Variants in THSD4 observed in about 807,000 individuals in gnomAD.
THSD4 encodes thrombospondin type-1 domain-containing protein 4.
A neutral mutation model predicts 119.0 loss-of-function variants in THSD4; 69 were observed. The observed-to-expected ratio is 0.58, with a 90% CI of 0.48 to 0.71. THSD4 has a LOEUF of 0.71. Ranked by LOEUF, THSD4 falls within the 30% of genes least tolerant of loss-of-function variation. The pLI is 0.00. For synonymous variants in THSD4, 524 were observed against 540.4 expected (o/e 0.97, Z 0.42); for missense variants, 1,393 against 1,391.1 (o/e 1.00, Z -0.02).
intron 8 of THSD4, among the ~76,000 whole-genome samples, chr15:71,726,900 G>A (rs2052850940): frequency 6.6e-6 from 1 of 151,398 alleles, no homozygotes; most frequent in Admixed American, 6.6e-5. Context: ...TCGCACCATT[G>A]CACTCCGGCC....
At chr15:71,360,533 T>C (rs1007224698) in intron 6 of THSD4, among the ~76,000 whole-genome samples, 8 of 152,244 alleles carry the variant, frequency 5.3e-5, no homozygotes, top group Non-Finnish European at 1.0e-4. Flanking sequence ...TTAGCCATTC[T>C]AGTCTACTAC....
intron 7 of THSD4, among the ~76,000 whole-genome samples, chr15:71,626,394 C>T (rs1283230766): frequency 6.6e-6 from 1 of 152,048 alleles, no homozygotes; most frequent in Non-Finnish European, 1.5e-5. Flanking sequence ...TCTTCCAGAC[C>T]CTCAGTGGAA....
chr15:71,199,601 ATGGTGTGTG>A (rs1381834991), intron 3 of THSD4, among the ~76,000 whole-genome samples: 11 of 40,626 alleles, frequency 2.7e-4, no homozygotes, highest in Non-Finnish European at 5.1e-4. Flanking sequence ...TGTGTGATGT[ATGGTGTGTG>A]TGGTGTGTGG....
At chr15:71,642,770 A>G (rs1437916360) in intron 7 of THSD4, among the ~76,000 whole-genome samples, 2 of 151,652 alleles carry the variant, frequency 1.3e-5, no homozygotes, top group Admixed American at 6.6e-5. Flanking sequence ...TGGACACAGG[A>G]AGGGGAACAT....
intron 8 of THSD4, among the ~76,000 whole-genome samples, chr15:71,725,730 A>G (rs2088865): frequency 0.54 from 82,632 of 152,044 alleles, 26,706 homozygotes; most frequent in East Asian, 0.81. Context: ...GGAATGATGG[A>G]GGCAGAAGCC....
chr15:71,557,752 TA>T (rs997191117), intron 7 of THSD4, among the ~76,000 whole-genome samples: 15 of 152,210 alleles, frequency 9.9e-5, no homozygotes, highest in African/African-American at 3.6e-4. Flanking sequence ...TCCAGTTTAT[TA>T]ACATAAATGT....
At chr15:71,311,496 C>T (rs2045109925) in intron 6 of THSD4, among the ~76,000 whole-genome samples, 1 of 152,152 alleles carries the variant, frequency 6.6e-6, no homozygotes, top group African/African-American at 2.4e-5. Context: ...ATTTTTTGAA[C>T]TAATTAGAAG....
chr15:71,288,914 C>T (rs2044754334), intron 6 of THSD4, among the ~76,000 whole-genome samples: 1 of 152,166 alleles, frequency 6.6e-6, no homozygotes, highest in Non-Finnish European at 1.5e-5. Context: ...GGAAATATAA[C>T]ACTCAATGGA....
chr15:71,512,291 C>T (rs2048294626), intron 7 of THSD4, among the ~76,000 whole-genome samples: 1 of 152,164 alleles, frequency 6.6e-6, no homozygotes, highest in Non-Finnish European at 1.5e-5. Flanking sequence ...AAAATGCTAG[C>T]AAATTACCCT....
chr15:71,756,549 G>A (rs749881338), intron 14 of THSD4, among the ~76,000 whole-genome samples: 4 of 152,174 alleles, frequency 2.6e-5, no homozygotes, highest in Admixed American at 6.5e-5. Context: ...TTGGGAGGCC[G>A]AGGCAGGCGG....
chr15:71,606,342 G>C (rs1202093746), intron 7 of THSD4, among the ~76,000 whole-genome samples: 1 of 152,108 alleles, frequency 6.6e-6, no homozygotes, highest in Non-Finnish European at 1.5e-5. Context: ...TTCTGTTGTT[G>C]GTGTCTGGCT....
intron 16 of THSD4, chr15:71,767,193 G>C (rs1038962261): frequency 1.3e-5 from 2 of 152,202 alleles, no homozygotes; most frequent in African/African-American, 2.4e-5. Context: ...ATGGAAGCTA[G>C]ACTTCTTTGA....
intron 7 of THSD4, among the ~76,000 whole-genome samples, chr15:71,580,519 C>G (rs2049537846): frequency 6.6e-6 from 1 of 152,126 alleles, no homozygotes; most frequent in Non-Finnish European, 1.5e-5. Context: ...TACTCAATTT[C>G]AAGCATACAA....
intron 7 of THSD4, among the ~76,000 whole-genome samples, chr15:71,587,644 G>A (rs1401736334): frequency 1.6e-5 from 2 of 123,422 alleles, no homozygotes; most frequent in East Asian, 4.6e-4. Flanking sequence ...GAGAGGGGAG[G>A]GATAGCATTG....
intron 6 of THSD4, among the ~76,000 whole-genome samples, chr15:71,377,555 G>T (rs891143172): frequency 6.6e-6 from 1 of 152,092 alleles, no homozygotes; most frequent in African/African-American, 2.4e-5. Flanking sequence ...GGGACAAGAG[G>T]ACATTGAAGA....
At chr15:71,125,346 C>G (rs1367845173) in intron 1 of THSD4, among the ~76,000 whole-genome samples, 1 of 152,146 alleles carries the variant, frequency 6.6e-6, no homozygotes, top group Non-Finnish European at 1.5e-5. Context: ...AGGCTTGTGT[C>G]TGGCACACAG....
chr15:71,778,415 G>A lies in THSD4; in HGVS notation c.*1041G>A, dbSNP rs2140262904. The A allele has an allele frequency of 6.6e-6, 1 of 152,450 alleles. No individual in the cohort carries two copies. Among genetic ancestry groups the A allele is most frequent in the South Asian group, 2.1e-4 (1 of 4,820 alleles). The allele number at this position is 152,450 out of a possible 1,614,324, so 9.4% of individuals were successfully genotyped here. A position where few individuals can be genotyped will look rare whatever the true frequency, so the allele number is the denominator to read the frequency against. On this transcript the variant is annotated 3_prime_UTR_variant, in exon 18 of 18. Coordinates refer to ENST00000261862, the MANE Select transcript of THSD4 (RefSeq NM_024817.3). ...GCCTGAAATTCTTACTCCGTTCCAA[G>A]TGCTGTTCCTCCCAGGAAATCAAAG...
At chr15:71,724,297 T>TC (rs201576024) in intron 8 of THSD4, among the ~76,000 whole-genome samples, 1 of 41,626 alleles carries the variant, frequency 2.4e-5, no homozygotes, top group Admixed American at 4.2e-4. Context: ...ATTTTTTTTT[T>TC]CCCCCCAAGA....
chr15:71,571,198 C>T (rs1485637534), intron 7 of THSD4, among the ~76,000 whole-genome samples: 1 of 150,122 alleles, frequency 6.7e-6, no homozygotes, highest in East Asian at 2.1e-4. Context: ...ACTAGACCTG[C>T]TGAAGAACTC....
Sources: gnomAD v4.1 joint callset for allele counts (sites outside exome capture counted in the v4.1 genomes callset) on GRCh38, gnomAD v4.1.1 for gene constraint, MANE v1.5 for transcripts, NCBI Gene and HGNC (gene_info 2026-07-23, HGNC 2026-07-21) for gene names.